The following GRM8 variants were observed in gnomAD, a reference collection of about 807,000 sequenced individuals.
GRM8 encodes metabotropic glutamate receptor 8.
A neutral mutation model predicts 87.2 loss-of-function variants in GRM8; 47 were observed. The ratio of observed to expected loss-of-function variants is 0.54; its 90% CI spans 0.43 to 0.69. The LOEUF (loss-of-function observed/expected upper bound fraction) is 0.69. Among genes scored for constraint, GRM8 ranks in the 30% least tolerant of loss-of-function variants. The pLI is 0.00. For synonymous variants in GRM8, 396 were observed against 404.5 expected, an observed-to-expected ratio of 0.98 and a Z score of 0.25; for missense variants, 1,019 against 1,139.2, an observed-to-expected ratio of 0.89 and a Z score of 1.52.
intron 3 of GRM8, among the ~76,000 whole-genome samples, chr7:127,025,993 C>G (rs182959618): frequency 6.6e-6 from 1 of 151,962 alleles, no homozygotes; most frequent in Non-Finnish European, 1.5e-5. Context: ...TAATGTTATC[C>G]CTCCCCCAGC....
chr7:126,664,340 G>T (rs896523308), intron 7 of GRM8, among the ~76,000 whole-genome samples: 1 of 152,006 alleles, frequency 6.6e-6, no homozygotes, highest in Admixed American at 6.6e-5. Flanking sequence ...GCAATACTAA[G>T]CAAAAAGAAC....
Position 127,232,345 on chromosome 7 carries a change from C to T in GRM8, c.510+10350G>A, listed in dbSNP as rs17867314. ...ACCCAGGCCCAAGTAATCCTCCCAC[C>T]TCAGCCTCCAGAGTAGCTGGAACTA... On this transcript the variant is annotated intron_variant, in intron 2 of 10. Transcript: ENST00000339582. 5.7e-3 allele frequency among the ~76,000 whole-genome samples: 869 copies of T among 152,174 alleles called. 12 individuals carry two copies. The highest frequency in any genetic ancestry group is 0.02 in the African/African-American group (835 of 41,508).
chr7:126,963,866 A>G (rs1050198078), intron 3 of GRM8, among the ~76,000 whole-genome samples: 2 of 152,048 alleles, frequency 1.3e-5, no homozygotes, highest in Admixed American at 1.3e-4. Flanking sequence ...AAGACAATCC[A>G]AAGCAAAAAG....
intron 6 of GRM8, among the ~76,000 whole-genome samples, chr7:126,901,444 C>T (rs1189482734): frequency 6.6e-6 from 1 of 152,166 alleles, no homozygotes; most frequent in Non-Finnish European, 1.5e-5. Context: ...CAAATGTAAG[C>T]CCGTGAGCAT....
At chr7:127,034,116 T>C (rs958923119) in intron 3 of GRM8, among the ~76,000 whole-genome samples, 2 of 152,196 alleles carry the variant, frequency 1.3e-5, no homozygotes, top group Non-Finnish European at 2.9e-5. Flanking sequence ...CATAATTAAT[T>C]GGTACATCTC....
chr7:126,885,202 C>G (rs886079882), intron 6 of GRM8, among the ~76,000 whole-genome samples: 1 of 152,178 alleles, frequency 6.6e-6, no homozygotes, highest in African/African-American at 2.4e-5. Flanking sequence ...GGTCCTTATC[C>G]ATGAATGATG....
At chr7:127,178,969 A>G (rs1446223030) in intron 2 of GRM8, among the ~76,000 whole-genome samples, 1 of 152,150 alleles carries the variant, frequency 6.6e-6, no homozygotes, top group African/African-American at 2.4e-5. Context: ...ATCAAAGCAT[A>G]CAGGCAATAA....
At chr7:127,042,134 A>T (rs1306216558) in intron 3 of GRM8, among the ~76,000 whole-genome samples, 1 of 152,146 alleles carries the variant, frequency 6.6e-6, no homozygotes, top group Non-Finnish European at 1.5e-5. Context: ...AGCTAGGACC[A>T]CCTGGTTCTG....
At chr7:126,741,912 A>T (rs1445129636) in intron 7 of GRM8, among the ~76,000 whole-genome samples, 1 of 152,054 alleles carries the variant, frequency 6.6e-6, no homozygotes, top group Non-Finnish European at 1.5e-5. Context: ...GAGAGTGATG[A>T]GGAGGAGGAT....
intron 7 of GRM8, among the ~76,000 whole-genome samples, chr7:126,615,159 G>A (rs1374914916): frequency 1.3e-5 from 2 of 152,200 alleles, no homozygotes; most frequent in Non-Finnish European, 2.9e-5. Flanking sequence ...AAACCAATTA[G>A]ACTAATAGCA....
intron 6 of GRM8, among the ~76,000 whole-genome samples, chr7:126,899,440 T>C (rs191122250): frequency 6.6e-6 from 1 of 152,294 alleles, no homozygotes; most frequent in African/African-American, 2.4e-5. Flanking sequence ...TCCCCATTTC[T>C]TCTCATCTTG....
intron 3 of GRM8, among the ~76,000 whole-genome samples, chr7:127,094,391 C>A (rs1824444509): frequency 6.6e-6 from 1 of 152,166 alleles, no homozygotes; most frequent in African/African-American, 2.4e-5. Context: ...AATGGGTAAT[C>A]CCAGGGCCAA....
chr7:126,445,438 C>A (rs1801915056), intron 10 of GRM8: 1 of 152,002 alleles, frequency 6.6e-6, no homozygotes. Context: ...TTATCATGTG[C>A]TTTTTCCTGG....
At chr7:127,114,370 T>C (rs2133146282) in intron 2 of GRM8, among the ~76,000 whole-genome samples, 1 of 152,282 alleles carries the variant, frequency 6.6e-6, no homozygotes, top group South Asian at 2.1e-4. Context: ...CATATTTTTA[T>C]CTATCTCCCC....
intron 3 of GRM8, among the ~76,000 whole-genome samples, chr7:127,040,841 G>A (rs546873709): frequency 5.9e-5 from 9 of 152,236 alleles, no homozygotes; most frequent in East Asian, 5.8e-4. Context: ...TTAAAGCTAC[G>A]AGCTGTCTAA....
At chr7:126,541,931 GA>G (rs989180458) in intron 8 of GRM8, among the ~76,000 whole-genome samples, 10 of 152,168 alleles carry the variant, frequency 6.6e-5, no homozygotes, top group African/African-American at 2.4e-4. Flanking sequence ...TGTATTTGGA[GA>G]CAGAATCTTT....
At chr7:126,863,147 T>G (rs997543642) in intron 6 of GRM8, among the ~76,000 whole-genome samples, 1 of 152,162 alleles carries the variant, frequency 6.6e-6, no homozygotes. Flanking sequence ...TTTTTATATA[T>G]ACTATGTTCA....
intron 7 of GRM8, among the ~76,000 whole-genome samples, chr7:126,693,022 A>G (rs1808990587): frequency 6.6e-6 from 1 of 152,180 alleles, no homozygotes; most frequent in African/African-American, 2.4e-5. Context: ...CACTCTCCAA[A>G]CCCTCAATAG....
At chr7:126,885,869 T>C (rs531391312) in intron 6 of GRM8, among the ~76,000 whole-genome samples, 208 of 152,274 alleles carry the variant, frequency 1.4e-3, no homozygotes, top group African/African-American at 4.5e-3. Flanking sequence ...TAAAGTTTCT[T>C]ATCTAAATCC....
Sources: allele counts gnomAD v4.1 joint callset (sites outside exome capture counted in the v4.1 genomes callset), GRCh38; gene constraint gnomAD v4.1.1; transcripts MANE v1.5; gene names NCBI Gene and HGNC (gene_info 2026-07-23, HGNC 2026-07-21).